OR4F15: variants seen among roughly 807,000 people sequenced by gnomAD.
The protein encoded by OR4F15 is olfactory receptor 4F15.
OR4F15 carries 7 observed loss-of-function variants against 11.9 expected under a neutral mutation model. The ratio of observed to expected loss-of-function variants is 0.59; its 90% CI spans 0.33 to 1.10. The LOEUF (loss-of-function observed/expected upper bound fraction) is 1.10, where lower values mean the gene tolerates loss of function less well. Ranked by LOEUF, OR4F15 falls within the 50% of genes least tolerant of loss-of-function variation. The pLI is 0.03. For missense variants in OR4F15, 445 were observed against 377.5 expected, an observed-to-expected ratio of 1.18 and a Z score of -1.48; for synonymous variants, 151 against 134.6, an observed-to-expected ratio of 1.12 and a Z score of -0.84.
rs1903074730 is a variant in OR4F15 at position 101,819,833 on chromosome 15, T to C, written c.*708T>C. 6.6e-6 allele frequency: 1 copy of C among 152,250 alleles called. No homozygotes were observed. The highest frequency in any genetic ancestry group is 2.4e-5 in the African/African-American group (1 of 41,458). The allele number at this position is 152,250 out of a possible 1,614,324, so 9.4% of individuals were successfully genotyped here. A position where few individuals can be genotyped will look rare whatever the true frequency, so the allele number is the denominator to read the frequency against. On this transcript the variant is annotated 3_prime_UTR_variant, in exon 2 of 2. Coordinates refer to ENST00000332238, the MANE Select transcript of OR4F15 (RefSeq NM_001001674.2). ...CTGGCCTGTTTAGTATCTAGCTCTCTTGATTTTAATTCTTTTTGTTCCTAA... is the reference window on the plus strand; with the variant it reads ...CTGGCCTGTTTAGTATCTAGCTCTCCTGATTTTAATTCTTTTTGTTCCTAA...
intron 1 of OR4F15, among the ~76,000 whole-genome samples, chr15:101,814,712 C>CT (rs1902961028): frequency 6.6e-6 from 1 of 151,978 alleles, no homozygotes; most frequent in Admixed American, 6.6e-5. Context: ...TTTCTCATCT[C>CT]TTTCCTTTCT....
In OR4F15 at chr15:101,813,333, A is replaced by G. The variant is rs559146415; in HGVS notation, c.-38+1061A>G. 1.6e-4 allele frequency among the ~76,000 whole-genome samples: 24 copies of G among 152,172 alleles called. No individual in the cohort carries two copies. The East Asian group carries it at 4.1e-3, about 26-fold the overall frequency. On this transcript the variant is annotated intron_variant, in intron 1 of 1. Coordinates refer to ENST00000332238, the MANE Select transcript of OR4F15 (RefSeq NM_001001674.2). Reference sequence around the variant, plus strand: ...AGACCAGCCTGGCCAACATGGTGAAACCTCATCTCTATTAAAAATACAAAA... The same window carrying G: ...AGACCAGCCTGGCCAACATGGTGAAGCCTCATCTCTATTAAAAATACAAAA...
rs370801231 is a variant in OR4F15, at chr15:101,818,337, A to G, written c.151A>G (p.Met51Val). 1.2e-5 allele frequency: 19 copies of G among 1,614,002 alleles called. No homozygotes were observed. Among genetic ancestry groups the G allele is most frequent in the Non-Finnish European group, 1.6e-5 (19 of 1,179,992 alleles). The change falls in exon 2 of 2, where the codon ATG (methionine) becomes GTG (valine). Residue 51 changes from methionine to valine, a missense_variant. Met to Val is a conservative substitution (Grantham distance 21, BLOSUM62 1). Coordinates refer to ENST00000332238, the MANE Select transcript of OR4F15 (RefSeq NM_001001674.2). ...GNLVIVFTVTMDAHLHSPMYF... is the reference protein window; with the variant it reads ...GNLVIVFTVTVDAHLHSPMYF... ...CCTTGTCATTGTATTCACTGTAACC[A>G]TGGATGCTCATCTGCACTCCCCCAT...
At chr15:101,816,909 C>G (rs1455339054) in intron 1 of OR4F15, among the ~76,000 whole-genome samples, 1 of 152,144 alleles carries the variant, frequency 6.6e-6, no homozygotes, top group African/African-American at 2.4e-5. Flanking sequence ...CAGACACTGT[C>G]TGGTTCTTTT....
At chr15:101,816,502 G>T (rs1902991405) in intron 1 of OR4F15, among the ~76,000 whole-genome samples, 1 of 152,070 alleles carries the variant, frequency 6.6e-6, no homozygotes, top group African/African-American at 2.4e-5. Flanking sequence ...GTGTGTGTGT[G>T]TGTGTGTGGT....
rs758092242 is a variant in OR4F15 at position 101,818,652 on chromosome 15, T to A, written c.466T>A (p.Ser156Thr). Residue 156 changes from serine (S) to threonine (T), a missense_variant, in exon 2 of 2, where the codon TCA becomes ACA. Coordinates refer to ENST00000332238, the MANE Select transcript of OR4F15 (RefSeq NM_001001674.2). Reference sequence around the variant, plus strand: ...TTCCTCTATCATTGGCCTTATCCACTCATTGGTCCAATTAGTTTTTGTGGT... The same window carrying A: ...TTCCTCTATCATTGGCCTTATCCACACATTGGTCCAATTAGTTTTTGTGGT... Reference protein sequence around the residue: ...ATSSIIGLIHSLVQLVFVVDL... With the variant: ...ATSSIIGLIHTLVQLVFVVDL... The A allele has an allele frequency of 9.9e-6, 16 of 1,614,002 alleles. No individual in the cohort carries two copies. In the African/African-American group the frequency reaches 2.0e-4, roughly 20 times the overall value.
chr15:101,819,079 T>C lies in OR4F15; in HGVS notation c.893T>C (p.Met298Thr), dbSNP rs558226854. ...AGGAACAAAGACATGAAAGTGGCAATGAGGAGACTGTGCAGTCGTCTTGCG... is the reference window on the plus strand; with the variant it reads ...AGGAACAAAGACATGAAAGTGGCAACGAGGAGACTGTGCAGTCGTCTTGCG... ...TFRNKDMKVA[M>T]RRLCSRLAHF... The change falls in exon 2 of 2, where the codon ATG (methionine) becomes ACG (threonine). Residue 298 changes from methionine (M) to threonine (T), a missense_variant. Met to Thr is a moderately conservative substitution (Grantham distance 81, BLOSUM62 -1). Transcript: ENST00000332238. 3.2e-5 allele frequency: 52 copies of C among 1,613,708 alleles called. No individual in the cohort carries two copies. The South Asian group carries it at 4.4e-4, about 14-fold the overall frequency.
intron 1 of OR4F15, among the ~76,000 whole-genome samples, chr15:101,814,608 C>G (rs1430208175): frequency 6.6e-6 from 1 of 152,196 alleles, no homozygotes; most frequent in Non-Finnish European, 1.5e-5. Flanking sequence ...CAAACTCCTA[C>G]TTTGCTATTT....
At position 101,819,141 on chromosome 15, in the gene OR4F15, A is replaced by G. The variant is rs768154091; in HGVS notation, c.*16A>G. On this transcript the variant is annotated 3_prime_UTR_variant, in exon 2 of 2. Coordinates refer to ENST00000332238, the MANE Select transcript of OR4F15 (RefSeq NM_001001674.2). The stretch of plus-strand genomic sequence containing the variant: ...GATTTTGTAAATGGCTTGGCTGTCA[A>G]GATGTGTAACTATGGATTACTCCTC... The G allele has an allele frequency of 1.3e-6, 2 of 1,536,228 alleles. No homozygotes were observed. The highest frequency in any genetic ancestry group is 2.7e-5 in the African/African-American group (2 of 73,068).
chr15:101,816,357 C>A (rs779299103), intron 1 of OR4F15, among the ~76,000 whole-genome samples: 2 of 152,106 alleles, frequency 1.3e-5, no homozygotes, highest in Non-Finnish European at 2.9e-5. Flanking sequence ...GAAACGGATT[C>A]TTTTCTAGAA....
Position 101,816,992 on chromosome 15 carries a change from T to C in OR4F15, c.-37-1158T>C, listed in dbSNP as rs186746135. 1.4e-3 allele frequency among the ~76,000 whole-genome samples: 211 copies of C among 152,296 alleles called. 2 individuals are homozygous for C. Among genetic ancestry groups the C allele is most frequent in the African/African-American group, 4.8e-3 (200 of 41,570 alleles). ...TGATAAAAAAGAGAGACTGCCTTTA[T>C]GTGACATGGTTTTTATCTTATGGTA... is the stretch of plus-strand genomic sequence containing the variant. On this transcript the variant is annotated intron_variant, in intron 1 of 1. Transcript: ENST00000332238.
At position 101,819,176 on chromosome 15, in the gene OR4F15, G is replaced by A. The variant is rs1397684631; in HGVS notation, c.*51G>A. 3.2e-6 allele frequency: 4 copies of A among 1,248,704 alleles called. No individual in the cohort carries two copies. Among genetic ancestry groups the A allele is most frequent in the Non-Finnish European group, 4.4e-6 (4 of 904,916 alleles). The allele number at this position is 1,248,704 out of a possible 1,614,324, so 77.4% of individuals were successfully genotyped here. ...CTATGGATTACTCCTCATGCTGATTGCATAAAAGAAACTGCAATTTCAGAG... is the reference window on the plus strand; with the variant it reads ...CTATGGATTACTCCTCATGCTGATTACATAAAAGAAACTGCAATTTCAGAG... On this transcript the variant is annotated 3_prime_UTR_variant, in exon 2 of 2. Transcript: ENST00000332238.
Position 101,819,108 on chromosome 15 carries a change from T to C in OR4F15, c.922T>C (p.Phe308Leu). The C allele has an allele frequency of 6.2e-7, 1 of 1,601,846 alleles. No individual in the cohort carries two copies. The highest frequency in any genetic ancestry group is 1.7e-5 in the Admixed American group (1 of 58,824). Residue 308 changes from phenylalanine to leucine, a missense_variant, in exon 2 of 2, where the codon TTT becomes CTT. Physicochemically the swap from Phe to Leu is conservative, Grantham distance 22 (BLOSUM62 0). Coordinates refer to ENST00000332238, the MANE Select transcript of OR4F15 (RefSeq NM_001001674.2). ...MRRLCSRLAH[F>L]TKIL The stretch of plus-strand genomic sequence containing the variant: ...GAGACTGTGCAGTCGTCTTGCGCAT[T>C]TTACAAAGATTTTGTAAATGGCTTG...
In OR4F15 at chr15:101,818,982, C is replaced by T. The variant is rs1279126776; in HGVS notation, c.796C>T (p.His266Tyr). The change falls in exon 2 of 2, where the codon CAC becomes TAC. Residue 266 changes from histidine (H) to tyrosine (Y), a missense_variant. Transcript: ENST00000332238. Reference sequence around the variant, plus strand: ...CTACACATGGCCTTCTCCCACATCACACCTGGATAAATATCTTGCTATTTT... The same window carrying T: ...CTACACATGGCCTTCTCCCACATCATACCTGGATAAATATCTTGCTATTTT... ...FFYTWPSPTS[H>Y]LDKYLAIFDA... 3 of 1,614,048 alleles carry T rather than the reference C, an allele frequency of 1.9e-6. No homozygotes were observed. Among genetic ancestry groups the T allele is most frequent in the African/African-American group, 2.7e-5 (2 of 74,916 alleles).
intron 1 of OR4F15, among the ~76,000 whole-genome samples, chr15:101,815,722 TG>T (rs1222639095): frequency 6.6e-6 from 1 of 152,180 alleles, no homozygotes; most frequent in African/African-American, 2.4e-5. Flanking sequence ...CCTCTGGAAT[TG>T]TATCTGGAAT....
At chr15:101,814,122 G>C (rs1902951269) in intron 1 of OR4F15, among the ~76,000 whole-genome samples, 1 of 152,194 alleles carries the variant, frequency 6.6e-6, no homozygotes, top group Non-Finnish European at 1.5e-5. Flanking sequence ...TAGATCTGCT[G>C]CCATTTGCTC....
In OR4F15 at chr15:101,818,237, C is replaced by T; in HGVS notation, c.51C>T (p.Leu17=). 1 of 1,613,792 alleles carries T rather than the reference C, an allele frequency of 6.2e-7. No individual in the cohort carries two copies. The highest frequency in any genetic ancestry group is 1.1e-5 in the South Asian group (1 of 91,038). The part of the protein sequence containing the change: ...SVVSEFVFMG[L]TNSREIQLLL... Reference sequence around the variant, plus strand: ...TATCAGAATTTGTATTCATGGGACTCACCAACTCACGGGAGATTCAGCTTC... The same window carrying T: ...TATCAGAATTTGTATTCATGGGACTTACCAACTCACGGGAGATTCAGCTTC... The change falls in exon 2 of 2, where the codon CTC becomes CTT. Residue 17 remains leucine (L), a synonymous_variant. Transcript: ENST00000332238.
At position 101,819,380 on chromosome 15, in the gene OR4F15, G is replaced by T; in HGVS notation, c.*255G>T. The T allele has an allele frequency of 2.4e-6, 1 of 417,212 alleles. No individual in the cohort carries two copies. The highest frequency in any genetic ancestry group is 4.2e-6 in the Non-Finnish European group (1 of 236,820). The allele number at this position is 417,212 out of a possible 1,614,324, so 25.8% of individuals were successfully genotyped here. On this transcript the variant is annotated 3_prime_UTR_variant, in exon 2 of 2. Transcript: ENST00000332238. ...TTGAAAGACCTTGTTCTAGGTGAGT[G>T]CCATGTAATTGAACAAATAACAATA...
chr15:101,818,434 G>T lies in OR4F15; in HGVS notation c.248G>T (p.Cys83Phe). ...TCAATTACAGCCCCTAAGATGATTTGTGATATTTTCAAGAAGCACAAGGCC... is the reference window on the plus strand; with the variant it reads ...TCAATTACAGCCCCTAAGATGATTTTTGATATTTTCAAGAAGCACAAGGCC... The part of the protein sequence containing the change: ...FCSITAPKMI[C>F]DIFKKHKAIS... The change falls in exon 2 of 2, where the codon TGT becomes TTT. Residue 83 changes from cysteine (C) to phenylalanine (F), a missense_variant. Physicochemically the swap from Cys to Phe is radical, Grantham distance 205 (BLOSUM62 -2). Transcript: ENST00000332238. 1.2e-6 allele frequency: 2 copies of T among 1,614,054 alleles called. No individual in the cohort carries two copies. The highest frequency in any genetic ancestry group is 1.1e-5 in the South Asian group (1 of 91,078).
Sources: gnomAD v4.1 joint callset for allele counts (sites outside exome capture counted in the v4.1 genomes callset) on GRCh38, gnomAD v4.1.1 for gene constraint, MANE v1.5 for transcripts, NCBI Gene and HGNC (gene_info 2026-07-23, HGNC 2026-07-21) for gene names.